The following DMTN variants were observed in gnomAD, a reference collection of about 807,000 sequenced individuals.
DMTN encodes the protein dematin actin binding protein.
A neutral mutation model predicts 59.4 loss-of-function variants in DMTN; 27 were observed. The observed-to-expected ratio is 0.45, with a 90% CI of 0.33 to 0.63. DMTN has a LOEUF of 0.63. Among genes scored for constraint, DMTN ranks in the 20% least tolerant of loss-of-function variants. The pLI, the probability that DMTN is intolerant of heterozygous loss-of-function variation, is 0.02. For synonymous variants in DMTN, 221 were observed against 203.7 expected (o/e 1.08, Z -0.72); for missense variants, 451 against 528.9 (o/e 0.85, Z 1.45).
At chr8:22,050,532 C>CA (rs1488597521), upstream of DMTN, among the ~76,000 whole-genome samples, 1 of 152,150 alleles carries the variant, frequency 6.6e-6, no homozygotes, top group Non-Finnish European at 1.5e-5. Context: ...CGGCCCCTCC[C>CA]TCCCTCCCTC....
chr8:22,070,471 A>C lies in DMTN; in HGVS notation c.604+137A>C, dbSNP rs981317685. 5 of 1,121,980 alleles carry C rather than the reference A, an allele frequency of 4.5e-6. No homozygotes were observed. In the African/African-American group the frequency reaches 6.4e-5, roughly 14 times the overall value. The allele number at this position is 1,121,980 out of a possible 1,614,324, so 69.5% of individuals were successfully genotyped here. ...TCGTGGGCTTTTTCCTACCTTCAGG[A>C]GCCCCCAGGCTCCTTGCTCACTCAC... On this transcript the variant is annotated intron_variant, in intron 8 of 15. Transcript: ENST00000358242.
intron 9 of DMTN, among the ~76,000 whole-genome samples, chr8:22,072,752 G>C (rs1816718841): frequency 6.6e-6 from 1 of 151,406 alleles, no homozygotes; most frequent in Admixed American, 6.6e-5. Context: ...TTGAATTACA[G>C]GCGTGAGCCA....
In DMTN at chr8:22,069,902, A is replaced by G. The variant is rs767119026; in HGVS notation, c.416A>G (p.Asn139Ser). ...ACAGAGACCTCCCGCCCAGATTCCA[A>G]CATCTACAAGAAGCCTCCCATCTAT... is the stretch of plus-strand genomic sequence containing the variant. Reference protein sequence around the residue: ...HHPETSRPDSNIYKKPPIYKQ... With the variant: ...HHPETSRPDSSIYKKPPIYKQ... The change falls in exon 7 of 16, where the codon AAC becomes AGC. Residue 139 changes from asparagine (N) to serine (S), a missense_variant. Asn to Ser is a conservative substitution (Grantham distance 46). Coordinates refer to ENST00000358242, the MANE Select transcript of DMTN (RefSeq NM_001387751.1). 1.2e-6 allele frequency: 2 copies of G among 1,613,752 alleles called. No individual in the cohort carries two copies. The highest frequency in any genetic ancestry group is 2.7e-5 in the African/African-American group (2 of 74,828).
chr8:22,063,127 A>G (rs2130707241), intron 1 of DMTN, among the ~76,000 whole-genome samples: 1 of 152,054 alleles, frequency 6.6e-6, no homozygotes, highest in Non-Finnish European at 1.5e-5. Flanking sequence ...TGTTCCCCTG[A>G]TGCACCCACT....
Position 22,081,826 on chromosome 8 carries a change from CA to C in DMTN, c.*364del. 1 of 477,666 alleles carries C rather than the reference CA, an allele frequency of 2.1e-6. No homozygotes were observed. Among genetic ancestry groups the C allele is most frequent in the Non-Finnish European group, 4.1e-6 (1 of 241,236 alleles). 29.6% of individuals were successfully genotyped at this position (477,666 alleles called of 1,614,324 possible). A position where few individuals can be genotyped will look rare whatever the true frequency, so the allele number is the denominator to read the frequency against. On this transcript the variant is annotated 3_prime_UTR_variant, in exon 16 of 16. Coordinates refer to ENST00000358242, the MANE Select transcript of DMTN (RefSeq NM_001387751.1). ...GTCTTGAACAGCTGGAGGGAAGATGCAGGGGTGGGAAGCGGCCAGGCAGAAA... is the reference window on the plus strand; with the variant it reads ...GTCTTGAACAGCTGGAGGGAAGATGCGGGGTGGGAAGCGGCCAGGCAGAAA...
chr8:22,061,142 G>T (rs547592215), intron 1 of DMTN, among the ~76,000 whole-genome samples: 89 of 151,986 alleles, frequency 5.9e-4, no homozygotes, highest in Non-Finnish European at 1.1e-3. Flanking sequence ...AATTAGCCGG[G>T]TGTTGTGGAG....
intron 10 of DMTN, among the ~76,000 whole-genome samples, chr8:22,078,528 T>A (rs1253859645): frequency 6.6e-6 from 1 of 151,228 alleles, no homozygotes; most frequent in Non-Finnish European, 1.5e-5. Flanking sequence ...TTGGTATAAA[T>A]GCCAGCCATT....
rs776038772 is a variant in DMTN, at chr8:22,081,436, G to A, written c.1191G>A (p.Glu397=). ...FGKLALWKRN[E]LKKKASLF The stretch of plus-strand genomic sequence containing the variant: ...AGCTGGCTCTGTGGAAGCGGAATGA[G>A]CTCAAGAAGAAGGCCTCTCTCTTCT... Residue 397 remains glutamate, a synonymous_variant, in exon 16 of 16, where the codon GAG becomes GAA. Transcript: ENST00000358242. 1 of 1,613,986 alleles carries A rather than the reference G, an allele frequency of 6.2e-7. No individual in the cohort carries two copies. The highest frequency in any genetic ancestry group is 8.5e-7 in the Non-Finnish European group (1 of 1,179,988).
intron 1 of DMTN, among the ~76,000 whole-genome samples, chr8:22,057,458 G>A (rs1400540546): frequency 6.6e-6 from 1 of 152,228 alleles, no homozygotes; most frequent in Non-Finnish European, 1.5e-5. Flanking sequence ...GGGGGCACGG[G>A]GTGGGCAGGG....
At chr8:22,074,670 GAACATGA>G (rs1269486552) in intron 10 of DMTN, among the ~76,000 whole-genome samples, 1 of 152,184 alleles carries the variant, frequency 6.6e-6, no homozygotes, top group Non-Finnish European at 1.5e-5. Flanking sequence ...GCGAAATTGG[GAACATGA>G]AACATCTGGC....
upstream of DMTN, among the ~76,000 whole-genome samples, chr8:22,053,270 C>T (rs555713299): frequency 2.0e-4 from 30 of 152,140 alleles, no homozygotes; most frequent in African/African-American, 7.2e-4. Context: ...TTTGCGGGGG[C>T]CAGATGCAGT....
At chr8:22,049,335 C>A (rs1184627447), upstream of DMTN, 1 of 150,782 alleles carries the variant, frequency 6.6e-6, no homozygotes, top group Non-Finnish European at 1.5e-5. Flanking sequence ...GGGGCCACAC[C>A]TGAGGGCAAA....
At chr8:22,079,482 T>C (rs1822691692) in intron 10 of DMTN, among the ~76,000 whole-genome samples, 3 of 151,364 alleles carry the variant, frequency 2.0e-5, no homozygotes, top group Non-Finnish European at 2.9e-5. Context: ...CAAACAAATA[T>C]GAATACTAGC....
chr8:22,055,055 C>T (rs1411956278), upstream of DMTN: 1 of 152,682 alleles, frequency 6.5e-6, no homozygotes, highest in African/African-American at 2.4e-5. Flanking sequence ...TTCCCCTTGA[C>T]TCCCCCTACT....
At chr8:22,071,076 T>TTTTTA (rs200842270) in intron 8 of DMTN, among the ~76,000 whole-genome samples, 29 of 30,288 alleles carry the variant, frequency 9.6e-4, no homozygotes, top group African/African-American at 1.7e-3. Flanking sequence ...TTTTATTGTA[T>TTTTTA]TTTTATTTTA....
chr8:22,067,399 A>G, intron 3 of DMTN, 128 bp from the exon 4 acceptor site: 1 of 1,380,796 alleles, frequency 7.2e-7, no homozygotes, highest in South Asian at 1.4e-5. Flanking sequence ...ATTTCTTAAA[A>G]TAATAGAATT....
rs745597879 is a variant in DMTN at position 22,072,353 on chromosome 8, C to A, written c.632C>A (p.Ser211Tyr). ...ACAGAATGGAGGAAGCGGAAGGCGT[C>A]TCGGAGGGGAGCAGAGGAAGAGGAG... ...VETEWRKRKA[S>Y]RRGAEEEEEE... Residue 211 changes from serine to tyrosine, a missense_variant, in exon 9 of 16, where the codon TCT becomes TAT. Transcript: ENST00000358242. The A allele has an allele frequency of 3.1e-6, 5 of 1,604,132 alleles. No homozygotes were observed. In the Admixed American group the frequency reaches 5.1e-5, roughly 16 times the overall value.
upstream of DMTN, among the ~76,000 whole-genome samples, chr8:22,056,467 C>T (rs1017068595): frequency 1.2e-4 from 18 of 152,122 alleles, no homozygotes; most frequent in African/African-American, 4.1e-4. Flanking sequence ...AGGCATTGTC[C>T]GCCTGGGTCA....
chr8:22,071,681 G>A (rs1409702952), intron 8 of DMTN, among the ~76,000 whole-genome samples: 3 of 152,012 alleles, frequency 2.0e-5, no homozygotes, highest in Admixed American at 6.6e-5. Context: ...CCGGGCTCAC[G>A]CTATTCTCCT....
Sources: allele counts gnomAD v4.1 joint callset (sites outside exome capture counted in the v4.1 genomes callset), GRCh38; gene constraint gnomAD v4.1.1; transcripts MANE v1.5; gene names NCBI Gene and HGNC (gene_info 2026-07-23, HGNC 2026-07-21).